Variants in DGCR2 observed in about 807,000 individuals in gnomAD.
DGCR2 encodes DiGeorge syndrome critical region gene 2, also known as integral membrane protein DGCR2/IDD.
Under a neutral mutation model 51.6 loss-of-function variants are expected in DGCR2, and 24 were observed. The observed-to-expected ratio is 0.47, with a 90% CI of 0.34 to 0.65. The LOEUF is 0.65. Among genes scored for constraint, DGCR2 ranks in the 30% least tolerant of loss-of-function variants. The pLI is 0.01. For missense variants in DGCR2, 765 were observed against 772.1 expected (o/e 0.99, Z 0.11); for synonymous variants, 340 against 315.4 (o/e 1.08, Z -0.82).
chr22:19,117,430 A>T (rs1372233403), intron 1 of DGCR2, among the ~76,000 whole-genome samples: 1 of 152,218 alleles, frequency 6.6e-6, no homozygotes, highest in African/African-American at 2.4e-5. Flanking sequence ...TCCTGCACCC[A>T]TGAGACCTTC....
chr22:19,092,973 G>A (rs1004198361), intron 1 of DGCR2, among the ~76,000 whole-genome samples: 1 of 124,668 alleles, frequency 8.0e-6, no homozygotes, highest in African/African-American at 3.4e-5. Flanking sequence ...AAAAGGAGGA[G>A]GAAGAGGAGG....
chr22:19,094,325 G>A (rs1208125201), intron 1 of DGCR2, among the ~76,000 whole-genome samples: 1 of 152,220 alleles, frequency 6.6e-6, no homozygotes, highest in South Asian at 2.1e-4. Flanking sequence ...CTATTCAGGA[G>A]GCTGAGGCAG....
chr22:19,120,312 C>T (rs1367423372), intron 1 of DGCR2, among the ~76,000 whole-genome samples: 1 of 152,208 alleles, frequency 6.6e-6, no homozygotes, highest in African/African-American at 2.4e-5. Context: ...TCTCCTGTGA[C>T]GCCCTCACTG....
At chr22:19,085,032 T>C (rs2146004799) in intron 2 of DGCR2, among the ~76,000 whole-genome samples, 1 of 151,704 alleles carries the variant, frequency 6.6e-6, no homozygotes, top group African/African-American at 2.4e-5. Context: ...ATGGTTGCTG[T>C]GTCTGTGCAG....
At chr22:19,107,256 C>T (rs929520271) in intron 1 of DGCR2, among the ~76,000 whole-genome samples, 1 of 152,174 alleles carries the variant, frequency 6.6e-6, no homozygotes, top group African/African-American at 2.4e-5. Flanking sequence ...ATCACCACCA[C>T]TGGAGACAGG....
intron 7 of DGCR2, among the ~76,000 whole-genome samples, chr22:19,044,031 T>C (rs1321204164): frequency 3.3e-5 from 5 of 152,214 alleles, no homozygotes; most frequent in African/African-American, 9.7e-5. Context: ...TGCCTGTTCA[T>C]TGGAGGCCAG....
chr22:19,113,389 A>T (rs970491192), intron 1 of DGCR2, among the ~76,000 whole-genome samples: 45 of 152,274 alleles, frequency 3.0e-4, no homozygotes, highest in African/African-American at 7.9e-4. Context: ...AAATAAAAAA[A>T]AAAAAATAAC....
intron 6 of DGCR2, among the ~76,000 whole-genome samples, chr22:19,051,234 TA>T (rs1242124448): frequency 1.1e-5 from 1 of 91,916 alleles, no homozygotes; most frequent in Non-Finnish European, 2.4e-5. Flanking sequence ...GAGAGAGAAA[TA>T]ACTAGGACTT....
chr22:19,060,098 T>C (rs915227818), intron 5 of DGCR2, among the ~76,000 whole-genome samples: 7 of 152,178 alleles, frequency 4.6e-5, no homozygotes, highest in Non-Finnish European at 5.9e-5. Flanking sequence ...CCAAGAACTG[T>C]GGCCTGACCC....
intron 8 of DGCR2, 29 bp downstream of exon 8, chr22:19,041,778 C>G: frequency 2.5e-6 from 4 of 1,604,132 alleles, no homozygotes; most frequent in Non-Finnish European, 3.4e-6. Context: ...GGATGGGGAC[C>G]AGGGTTGTGG....
At chr22:19,076,870 A>C (rs797010389) in intron 2 of DGCR2, among the ~76,000 whole-genome samples, 114 of 151,286 alleles carry the variant, frequency 7.5e-4, no homozygotes, top group African/African-American at 2.6e-3. Context: ...AGCTGGAACT[A>C]AGGCGCCCGC....
intron 1 of DGCR2, among the ~76,000 whole-genome samples, chr22:19,098,677 C>T (rs2083168632): frequency 2.0e-5 from 3 of 152,142 alleles, no homozygotes; most frequent in Admixed American, 2.0e-4. Flanking sequence ...AGCGTAGACA[C>T]CCTGGGCTCC....
chr22:19,050,764 AT>A (rs1278006356), intron 6 of DGCR2, among the ~76,000 whole-genome samples: 3 of 152,274 alleles, frequency 2.0e-5, no homozygotes, highest in Non-Finnish European at 4.4e-5. Context: ...CTCACATCTT[AT>A]TAAAACACTC....
chr22:19,046,794 C>T (rs1451261132), intron 7 of DGCR2: 4 of 428,868 alleles, frequency 9.3e-6, no homozygotes, highest in Non-Finnish European at 1.9e-5. Context: ...GCTCTGGGCC[C>T]ACCCAGATGC....
chr22:19,119,735 C>CA (rs57362176), intron 1 of DGCR2, among the ~76,000 whole-genome samples: 13,289 of 77,910 alleles, frequency 0.17, 1,836 homozygotes, highest in African/African-American at 0.36. Flanking sequence ...GACTCTGTCT[C>CA]AAAAAAAAAA....
At chr22:19,093,361 G>C (rs1365000432) in intron 1 of DGCR2, among the ~76,000 whole-genome samples, 4 of 120,488 alleles carry the variant, frequency 3.3e-5, no homozygotes, top group South Asian at 2.6e-4. Flanking sequence ...ACTCCACCTC[G>C]AAAAAAAAAA....
rs112030694 is a variant in DGCR2 at position 19,051,523 on chromosome 22, T to C, written c.803-2880A>G. 8.6e-3 allele frequency among the ~76,000 whole-genome samples: 1,317 copies of C among 152,284 alleles called. 17 individuals are homozygous for C. Among genetic ancestry groups the C allele is most frequent in the Non-Finnish European group, 0.014 (938 of 68,032 alleles). On this transcript the variant is annotated intron_variant, in intron 6 of 9. Coordinates refer to ENST00000263196, the MANE Select transcript of DGCR2 (RefSeq NM_005137.3). Reference sequence around the variant, plus strand: ...ATCACTTGAGCCTAGGAGTTGCGTTTGAAGCCAGCCTAGGCAACATAGTGA... The same window carrying C: ...ATCACTTGAGCCTAGGAGTTGCGTTCGAAGCCAGCCTAGGCAACATAGTGA...
intron 7 of DGCR2, among the ~76,000 whole-genome samples, chr22:19,043,537 G>A (rs768418600): frequency 3.3e-5 from 5 of 152,158 alleles, no homozygotes; most frequent in Non-Finnish European, 5.9e-5. Context: ...ACCAGGAAGT[G>A]GTCCCAGAAG....
intron 1 of DGCR2, among the ~76,000 whole-genome samples, chr22:19,114,062 GAAAAAAAAAAAA>G (rs55948025): frequency 7.4e-5 from 6 of 80,988 alleles, no homozygotes; most frequent in East Asian, 3.7e-4. Flanking sequence ...TCCATTTGAG[GAAAAAAAAAAAA>G]AAAAAAAAAA....
Sources: allele counts gnomAD v4.1 joint callset (sites outside exome capture counted in the v4.1 genomes callset), GRCh38; gene constraint gnomAD v4.1.1; transcripts MANE v1.5; gene names NCBI Gene and HGNC (gene_info 2026-07-23, HGNC 2026-07-21).